The following SUCLG1 variants were observed in gnomAD, a reference collection of about 807,000 sequenced individuals.
SUCLG1 encodes succinate--CoA ligase [ADP/GDP-forming] subunit alpha, mitochondrial.
A neutral mutation model predicts 37.3 loss-of-function variants in SUCLG1; 26 were observed. That is an observed-to-expected ratio of 0.70 (90% CI 0.51 to 0.97). The LOEUF (loss-of-function observed/expected upper bound fraction) is 0.97, where lower values mean the gene tolerates loss of function less well. Ranked by LOEUF, SUCLG1 falls within the 50% of genes least tolerant of loss-of-function variation. SUCLG1 has a pLI of 0.00. For missense variants in SUCLG1, 433 were observed against 432.9 expected (o/e 1.00, Z 0.00); for synonymous variants, 163 against 155.6 (o/e 1.05, Z -0.36).
At chr2:84,455,014 T>C (rs777644707) in intron 1 of SUCLG1, among the ~76,000 whole-genome samples, 27 of 152,192 alleles carry the variant, frequency 1.8e-4, no homozygotes, top group Middle Eastern at 3.2e-3. Flanking sequence ...TAACCATATG[T>C]ATTATGCATA....
rs1011081826 is a variant in SUCLG1 at position 84,425,752 on chromosome 2, C to T, written c.826-149G>A. Reference sequence around the variant, plus strand: ...AGGAAAACCAACACAAATATTAAACCATGATTGAAACCACTGCATTCTCCT... The same window carrying T: ...AGGAAAACCAACACAAATATTAAACTATGATTGAAACCACTGCATTCTCCT... On this transcript the variant is annotated intron_variant, in intron 7 of 8. Coordinates refer to ENST00000393868, the MANE Select transcript of SUCLG1 (RefSeq NM_003849.4). The T allele has an allele frequency of 7.6e-5, 64 of 837,104 alleles. No homozygotes were observed. In the Middle Eastern group the frequency reaches 1.9e-3, roughly 25 times the overall value. The allele number at this position is 837,104 out of a possible 1,614,324, so 51.9% of individuals were successfully genotyped here. A position where few individuals can be genotyped will look rare whatever the true frequency, so the allele number is the denominator to read the frequency against.
At chr2:84,441,483 C>T in intron 3 of SUCLG1, 24 bp from the exon 4 acceptor site, 2 of 1,606,938 alleles carry the variant, frequency 1.2e-6, no homozygotes, top group South Asian at 2.2e-5. Context: ...GACGAAGCAC[C>T]TTATTATTTG....
At chr2:84,435,331 A>G (rs553029760) in intron 5 of SUCLG1, among the ~76,000 whole-genome samples, 4 of 152,274 alleles carry the variant, frequency 2.6e-5, no homozygotes, top group Non-Finnish European at 5.9e-5. Flanking sequence ...AATCTCCTCA[A>G]TGCTTTCATA....
chr2:84,453,894 A>G (rs891074101), intron 1 of SUCLG1, among the ~76,000 whole-genome samples: 2 of 152,226 alleles, frequency 1.3e-5, no homozygotes, highest in Non-Finnish European at 1.5e-5. Context: ...TGAGAACATC[A>G]TCGCAGGAAT....
intron 5 of SUCLG1, among the ~76,000 whole-genome samples, chr2:84,435,049 TCTGCTCTAACTCGC>T (rs750354827): frequency 3.9e-5 from 6 of 152,234 alleles, no homozygotes; most frequent in Non-Finnish European, 8.8e-5. Context: ...CACGTGGAAC[TCTGCTCTAACTCGC>T]CAGCCCAGCA....
At chr2:84,451,864 A>C (rs1279910137) in intron 1 of SUCLG1, among the ~76,000 whole-genome samples, 1 of 152,202 alleles carries the variant, frequency 6.6e-6, no homozygotes, top group Non-Finnish European at 1.5e-5. Context: ...CCACTTCTAG[A>C]TAAGCTGGAA....
Position 84,441,231 on chromosome 2 carries a change from G to GA in SUCLG1, c.531+15_531+16insT. 1.9e-6 allele frequency: 3 copies of GA among 1,613,776 alleles called. No individual in the cohort carries two copies. The highest frequency in any genetic ancestry group is 2.5e-6 in the Non-Finnish European group (3 of 1,179,916). On this transcript the variant is annotated intron_variant, in intron 4 of 8. Transcript: ENST00000393868. ...AGAGGCTTAATCTGAGTTTCTTTTT[G>GA]TTTTTTTGCACTCACATTGATGACT...
intron 3 of SUCLG1, among the ~76,000 whole-genome samples, chr2:84,442,574 GA>G (rs1672792190): frequency 6.6e-6 from 1 of 152,124 alleles, no homozygotes; most frequent in Non-Finnish European, 1.5e-5. Flanking sequence ...CTGAGATTTC[GA>G]AAACACTGTA....
chr2:84,459,146 C>G (rs1428366672), intron 1 of SUCLG1, 27 bp downstream of exon 1: 1 of 1,532,102 alleles, frequency 6.5e-7, no homozygotes, highest in African/African-American at 1.4e-5. Flanking sequence ...CCGCGGGCGC[C>G]AGGAAGACAG....
At chr2:84,451,388 A>G (rs1035313430) in intron 1 of SUCLG1, among the ~76,000 whole-genome samples, 7 of 152,230 alleles carry the variant, frequency 4.6e-5, no homozygotes, top group African/African-American at 1.4e-4. Context: ...ACTTGTTAAC[A>G]TAAAATACTT....
chr2:84,431,801 A>C, intron 6 of SUCLG1, 142 bp from the exon 7 acceptor site: 1 of 841,768 alleles, frequency 1.2e-6, no homozygotes, highest in South Asian at 1.7e-5. Context: ...CTTGCATTTA[A>C]TATTTAAAAA....
At chr2:84,448,209 A>G (rs1384655440) in intron 2 of SUCLG1, among the ~76,000 whole-genome samples, 2 of 151,716 alleles carry the variant, frequency 1.3e-5, no homozygotes, top group African/African-American at 4.8e-5. Flanking sequence ...AAAAAGCAAA[A>G]GGACCATTTT....
rs757670705 is a variant in SUCLG1, at chr2:84,449,656, C to A, written c.194G>T (p.Gly65Val). 16 of 1,593,990 alleles carry A rather than the reference C, an allele frequency of 1.0e-5. No homozygotes were observed. Among genetic ancestry groups the A allele is most frequent in the Admixed American group, 1.7e-5 (1 of 58,350 alleles). ...AAATCTAGATATACATACCTGTTTG[C>A]CAGTGAAACCCTGGCAAATAATCTT... ...NTKIICQGFTGKQGTFHSQQA... is the reference protein window; with the variant it reads ...NTKIICQGFTVKQGTFHSQQA... The change falls in exon 2 of 9, where the codon GGC becomes GTC. Residue 65 changes from glycine (G) to valine (V), a missense_variant. Physicochemically the swap from Gly to Val is moderately radical, Grantham distance 109. Transcript: ENST00000393868.
intron 8 of SUCLG1, 33 bp downstream of exon 8, chr2:84,425,381 AC>A: frequency 1.2e-6 from 2 of 1,613,466 alleles, no homozygotes; most frequent in Non-Finnish European, 1.7e-6. Flanking sequence ...AAAGCCTGCA[AC>A]CTCAGAGCAC....
intron 2 of SUCLG1, among the ~76,000 whole-genome samples, chr2:84,445,311 G>A (rs939439255): frequency 3.3e-5 from 5 of 152,080 alleles, no homozygotes; most frequent in Admixed American, 2.0e-4. Context: ...CTGACTTCCC[G>A]CAACACCTTA....
chr2:84,455,750 G>A (rs1000880770), intron 1 of SUCLG1, among the ~76,000 whole-genome samples: 4 of 151,328 alleles, frequency 2.6e-5, no homozygotes, highest in African/African-American at 7.3e-5. Context: ...GCAGGAGAAC[G>A]GCTTGAACCT....
At position 84,443,408 on chromosome 2, in the gene SUCLG1, G is replaced by T. The variant is rs1342114001; in HGVS notation, c.202-8C>A. On this transcript the variant is annotated splice_polypyrimidine_tract_variant and splice_region_variant and intron_variant, in intron 2 of 8. Transcript: ENST00000393868. ...CTGGCTGTGAAAGGTGCCCTGAGGG[G>T]AAAAAGCACAAGATCCATGAGAAAC... The T allele has an allele frequency of 2.5e-6, 4 of 1,613,234 alleles. No individual in the cohort carries two copies.
intron 6 of SUCLG1, among the ~76,000 whole-genome samples, chr2:84,431,940 A>T (rs1672619488): frequency 1.3e-5 from 2 of 152,194 alleles, no homozygotes. Flanking sequence ...TAGCTCCTTT[A>T]TCAAGCCTCT....
intron 2 of SUCLG1, among the ~76,000 whole-genome samples, chr2:84,446,497 A>G (rs191311020): frequency 8.5e-5 from 13 of 152,294 alleles, no homozygotes; most frequent in African/African-American, 3.1e-4. Context: ...GACCTCAGAA[A>G]TTTTCTGATT....
Sources: gnomAD v4.1 joint callset for allele counts (sites outside exome capture counted in the v4.1 genomes callset) on GRCh38, gnomAD v4.1.1 for gene constraint, MANE v1.5 for transcripts, NCBI Gene and HGNC (gene_info 2026-07-23, HGNC 2026-07-21) for gene names.